Variants in CHM observed in about 807,000 individuals in gnomAD.
The protein encoded by CHM is rab proteins geranylgeranyltransferase component A 1.
CHM carries 10 observed loss-of-function variants against 49.0 expected under a neutral mutation model. The ratio of observed to expected loss-of-function variants is 0.20; its 90% confidence interval spans 0.13 to 0.35. The LOEUF is 0.35. Ranked by LOEUF, CHM falls within the 10% of genes least tolerant of loss-of-function variation. The pLI is 1.00. For synonymous variants in CHM, 184 were observed against 167.5 expected (o/e 1.10, Z -0.76); for missense variants, 455 against 478.4 (o/e 0.95, Z 0.46).
intron 1 of CHM, among the ~76,000 whole-genome samples, chrX:86,040,207 CA>C (rs1439854055): frequency 2.2e-4 from 25 of 112,216 alleles, no homozygotes; most frequent in African/African-American, 8.1e-4. Flanking sequence ...TCTGGAGCTT[CA>C]GGGGTTGCAG....
At chrX:85,953,336 A>G (rs1446960099) in intron 8 of CHM, among the ~76,000 whole-genome samples, 1 of 111,763 alleles carries the variant, frequency 8.9e-6, no homozygotes, top group Non-Finnish European at 1.9e-5. Context: ...TATTGTTAAA[A>G]TGTCCATACT....
chrX:85,993,909 C>A (rs1424228870), intron 2 of CHM, among the ~76,000 whole-genome samples: 1 of 111,782 alleles, frequency 8.9e-6, no homozygotes, highest in Non-Finnish European at 1.9e-5. Context: ...CAAAAAGAAC[C>A]GATCCCTGTG....
chrX:86,023,756 G>A (rs1336920888), intron 2 of CHM, among the ~76,000 whole-genome samples: 1 of 110,718 alleles, frequency 9.0e-6, no homozygotes, highest in Non-Finnish European at 1.9e-5. Flanking sequence ...TCTAACAACG[G>A]CTATTTATCC....
chrX:85,867,089 G>T (rs370975065), intron 14 of CHM, among the ~76,000 whole-genome samples: 1 of 111,388 alleles, frequency 9.0e-6, no homozygotes, highest in African/African-American at 3.3e-5. Context: ...GGGAAGGGTC[G>T]GGGCAGAATG....
chrX:85,979,280 A>AT (rs2147707291), intron 3 of CHM, among the ~76,000 whole-genome samples: 1 of 111,296 alleles, frequency 9.0e-6, no homozygotes, highest in East Asian at 2.8e-4. Flanking sequence ...TTTTTTTAAC[A>AT]TTTTTTGGTC....
At chrX:85,880,593 A>T (rs758723535) in intron 12 of CHM, among the ~76,000 whole-genome samples, 1 of 111,704 alleles carries the variant, frequency 9.0e-6, no homozygotes, top group Non-Finnish European at 1.9e-5. Context: ...TGGGTAAACT[A>T]TTGGTTCTGT....
At chrX:85,968,920 C>A (rs866538184) in intron 4 of CHM, among the ~76,000 whole-genome samples, 5 of 112,123 alleles carry the variant, frequency 4.5e-5, no homozygotes, top group Middle Eastern at 4.6e-3. Context: ...ACACACTTAA[C>A]TGTAGACAGT....
intron 2 of CHM, among the ~76,000 whole-genome samples, chrX:86,007,602 T>G (rs946284742): frequency 3.2e-4 from 36 of 112,111 alleles, no homozygotes; most frequent in South Asian, 7.4e-4. Flanking sequence ...CAAAGGATAT[T>G]AGTAGACACT....
At chrX:85,901,254 C>T (rs756342514) in intron 9 of CHM, 66 bp from the exon 10 acceptor site, 14 of 681,263 alleles carry the variant, frequency 2.1e-5, no homozygotes, top group East Asian at 7.5e-5. Context: ...AAAATGTAAT[C>T]GGCTACCAAT....
intron 12 of CHM, among the ~76,000 whole-genome samples, chrX:85,887,729 C>G (rs1298187556): frequency 9.0e-6 from 1 of 111,108 alleles, no homozygotes; most frequent in Non-Finnish European, 1.9e-5. Flanking sequence ...GAGGTGGTCT[C>G]AGACGGAGAT....
intron 2 of CHM, among the ~76,000 whole-genome samples, chrX:86,004,678 A>G (rs2147754403): frequency 8.9e-6 from 1 of 112,305 alleles, no homozygotes; most frequent in South Asian, 3.7e-4. Flanking sequence ...GCCATTACAT[A>G]ACGGTAAAGG....
chrX:86,039,642 G>C (rs1934383328), intron 1 of CHM, among the ~76,000 whole-genome samples: 1 of 110,201 alleles, frequency 9.1e-6, no homozygotes, highest in Admixed American at 9.7e-5. Context: ...CCACCCTCAA[G>C]CCTGAAACCA....
At chrX:85,894,429 G>A (rs1041815679) in intron 11 of CHM, 145 bp from the exon 12 acceptor site, 2 of 433,941 alleles carry the variant, frequency 4.6e-6, no homozygotes, top group African/African-American at 5.0e-5. Context: ...ATTTAATTTT[G>A]GAACAGAATT....
chrX:85,966,216 A>G (rs1930572067), intron 4 of CHM, among the ~76,000 whole-genome samples: 1 of 108,923 alleles, frequency 9.2e-6, no homozygotes, highest in South Asian at 4.1e-4. Flanking sequence ...GGGCGTGGTG[A>G]TGGGCACCTG....
intron 2 of CHM, among the ~76,000 whole-genome samples, chrX:85,985,361 G>A (rs1931850047): frequency 8.9e-6 from 1 of 112,111 alleles, no homozygotes; most frequent in South Asian, 3.7e-4. Context: ...TGTCCCAACT[G>A]GGACCAGCAG....
chrX:85,976,854 G>T (rs2147702758), intron 4 of CHM, among the ~76,000 whole-genome samples: 1 of 98,344 alleles, frequency 1.0e-5, no homozygotes, highest in Non-Finnish European at 2.1e-5. Flanking sequence ...AAACTACAAT[G>T]CTAGGGGGAA....
chrX:85,956,740 G>A (rs1240461308), intron 7 of CHM, among the ~76,000 whole-genome samples: 3 of 111,612 alleles, frequency 2.7e-5, no homozygotes, highest in Non-Finnish European at 5.7e-5. Context: ...AAACAACTAT[G>A]ACAACATGGG....
Position 85,955,628 on chromosome X carries a change from A to G in CHM, c.1166+525T>C, listed in dbSNP as rs746127945. Among the ~76,000 whole-genome samples, 10 of 112,482 alleles carry G rather than the reference A, an allele frequency of 8.9e-5. No individual in the cohort carries two copies. In the South Asian group the frequency reaches 3.7e-3, roughly 41 times the overall value. On this transcript the variant is annotated intron_variant, in intron 8 of 14. Coordinates refer to ENST00000357749, the MANE Select transcript of CHM (RefSeq NM_000390.4). ...TATTCTTATGTACGGCTAAAAGGTT[A>G]TAATTGGTACAGCCCTCTAGAGAAA...
At chrX:85,913,845 A>AC (rs1927281251) in intron 8 of CHM, among the ~76,000 whole-genome samples, 2 of 110,504 alleles carry the variant, frequency 1.8e-5, no homozygotes, top group African/African-American at 6.6e-5. Context: ...AGCTTCTCCC[A>AC]CCAAGCGAGA....
Sources: gnomAD v4.1 joint callset for allele counts (sites outside exome capture counted in the v4.1 genomes callset) on GRCh38, gnomAD v4.1.1 for gene constraint, MANE v1.5 for transcripts, NCBI Gene and HGNC (gene_info 2026-07-23, HGNC 2026-07-21) for gene names.